Variants in REDIC1 observed in about 807,000 individuals in gnomAD.
The protein encoded by REDIC1 is regulator of DNA class I crossover intermediates 1.
chr12:39,883,776 T>G, the REDIC1 span, among the ~76,000 whole-genome samples: 14 of 152,228 alleles, frequency 9.2e-5, no homozygotes, highest in Non-Finnish European at 1.6e-4. Context: ...ATATATGTAG[T>G]TTTATGCACA....
At chr12:39,764,476 C>T in the REDIC1 span, 3 of 1,596,720 alleles carry the variant, frequency 1.9e-6, no homozygotes, top group Non-Finnish European at 2.6e-6. Flanking sequence ...ATGTAAGATA[C>T]TCTGCTGTGT....
the REDIC1 span, among the ~76,000 whole-genome samples, chr12:39,631,784 A>T: frequency 6.6e-6 from 1 of 152,188 alleles, no homozygotes; most frequent in Non-Finnish European, 1.5e-5. Flanking sequence ...CAACAGTTTT[A>T]AATTTGTTAA....
the REDIC1 span, among the ~76,000 whole-genome samples, chr12:39,768,932 A>G: frequency 1.3e-5 from 2 of 152,068 alleles, no homozygotes; most frequent in East Asian, 3.9e-4. Context: ...AAACACAATA[A>G]AATGAAGTAT....
At chr12:39,760,050 G>A in the REDIC1 span, 3 of 1,611,788 alleles carry the variant, frequency 1.9e-6, no homozygotes, top group Non-Finnish European at 2.5e-6. Context: ...AAGCATCATT[G>A]TCAGAAAGAT....
the REDIC1 span, among the ~76,000 whole-genome samples, chr12:39,640,404 C>T: frequency 1.3e-5 from 2 of 151,868 alleles, no homozygotes. Context: ...GGTAAGCTCC[C>T]TGGCTTTATA....
At chr12:39,902,013 G>T in the REDIC1 span, among the ~76,000 whole-genome samples, 76,801 of 151,586 alleles carry the variant, frequency 0.51, 19,666 homozygotes, top group East Asian at 0.78. Context: ...TATGCAGCCA[G>T]AAAAAAGGAT....
the REDIC1 span, among the ~76,000 whole-genome samples, chr12:39,725,550 T>C: frequency 6.6e-6 from 1 of 152,132 alleles, no homozygotes; most frequent in African/African-American, 2.4e-5. Context: ...ACTGTCTCTG[T>C]TGGTCTACAA....
chr12:39,729,371 T>C, the REDIC1 span, among the ~76,000 whole-genome samples: 34 of 152,218 alleles, frequency 2.2e-4, no homozygotes, highest in Non-Finnish European at 4.4e-4. Context: ...TTTGTTCTCA[T>C]TGGTTTCAAT....
At chr12:39,809,905 T>G in the REDIC1 span, among the ~76,000 whole-genome samples, 1 of 152,206 alleles carries the variant, frequency 6.6e-6, no homozygotes. Context: ...TCCAGTCTAT[T>G]ATTGTTGGAC....
the REDIC1 span, among the ~76,000 whole-genome samples, chr12:39,651,881 C>T: frequency 6.6e-6 from 1 of 152,074 alleles, no homozygotes; most frequent in African/African-American, 2.4e-5. Context: ...TTGGTAATCC[C>T]TTCTCCCTAT....
chr12:39,809,628 G>A, the REDIC1 span, among the ~76,000 whole-genome samples: 1 of 152,096 alleles, frequency 6.6e-6, no homozygotes, highest in South Asian at 2.1e-4. Context: ...TTAGCATCAG[G>A]TATATCTCCT....
the REDIC1 span, among the ~76,000 whole-genome samples, chr12:39,644,839 C>T: frequency 6.6e-6 from 1 of 151,800 alleles, no homozygotes; most frequent in African/African-American, 2.4e-5. Context: ...AGGAGAAAAA[C>T]ATACAGATTT....
the REDIC1 span, among the ~76,000 whole-genome samples, chr12:39,744,974 A>T: frequency 6.6e-6 from 1 of 152,214 alleles, no homozygotes; most frequent in African/African-American, 2.4e-5. Flanking sequence ...TACATATATT[A>T]AAAGTAAGAA....
At chr12:39,889,796 T>C in the REDIC1 span, among the ~76,000 whole-genome samples, 4 of 152,080 alleles carry the variant, frequency 2.6e-5, no homozygotes, top group Non-Finnish European at 4.4e-5. Flanking sequence ...TCCCAAAGTG[T>C]TGGGATTACA....
the REDIC1 span, among the ~76,000 whole-genome samples, chr12:39,792,862 G>T: frequency 6.6e-6 from 1 of 151,400 alleles, no homozygotes; most frequent in Non-Finnish European, 1.5e-5. Flanking sequence ...TTGTTCTAGG[G>T]TCAACTGTAT....
chr12:39,648,001 A>T, the REDIC1 span: 1 of 1,360,260 alleles, frequency 7.4e-7, no homozygotes, highest in South Asian at 1.8e-5. Flanking sequence ...ATTAGTTCTT[A>T]GCATTTTATA....
At chr12:39,826,955 T>C in the REDIC1 span, among the ~76,000 whole-genome samples, 3 of 145,690 alleles carry the variant, frequency 2.1e-5, no homozygotes, top group Admixed American at 7.1e-5. Context: ...GTGTCGTTTC[T>C]ATTAGGTTGG....
At chr12:39,745,174 A>G in the REDIC1 span, among the ~76,000 whole-genome samples, 1 of 152,200 alleles carries the variant, frequency 6.6e-6, no homozygotes, top group Non-Finnish European at 1.5e-5. Flanking sequence ...ATTCTTTCAC[A>G]TTTGCCTCCA....
At chr12:39,718,314 C>A in the REDIC1 span, among the ~76,000 whole-genome samples, 2 of 151,976 alleles carry the variant, frequency 1.3e-5, no homozygotes, top group African/African-American at 4.8e-5. Context: ...TATTTTGATG[C>A]CTTCGGTGTT....
Sources: allele counts gnomAD v4.1 joint callset (sites outside exome capture counted in the v4.1 genomes callset), GRCh38; gene constraint gnomAD v4.1.1; transcripts MANE v1.5; gene names NCBI Gene and HGNC (gene_info 2026-07-23, HGNC 2026-07-21).